The following SIPA1L2 variants were observed in gnomAD, a reference collection of about 807,000 sequenced individuals.
The protein encoded by SIPA1L2 is signal-induced proliferation-associated 1-like protein 2.
In SIPA1L2, 56 loss-of-function variants were observed where a neutral mutation model predicts 163.9. The ratio of observed to expected loss-of-function variants is 0.34; its 90% CI spans 0.28 to 0.43. The LOEUF (loss-of-function observed/expected upper bound fraction) is 0.43, where lower values mean the gene tolerates loss of function less well. Among genes scored for constraint, SIPA1L2 ranks in the 20% least tolerant of loss-of-function variants. The pLI is 1.00. For missense variants in SIPA1L2, 1,974 were observed against 2,193.5 expected (o/e 0.90, Z 2.00); for synonymous variants, 877 against 865.7 (o/e 1.01, Z -0.23).
chr1:232,602,831 G>A (rs1164126714), intron 1 of SIPA1L2, among the ~76,000 whole-genome samples: 2 of 152,198 alleles, frequency 1.3e-5, no homozygotes, highest in Non-Finnish European at 2.9e-5. Flanking sequence ...AGCTACATGG[G>A]GCCGTTGAGC....
chr1:232,411,701 T>C (rs1279245562), intron 19 of SIPA1L2, among the ~76,000 whole-genome samples: 3 of 151,816 alleles, frequency 2.0e-5, no homozygotes, highest in East Asian at 2.0e-4. Context: ...CTTTTTGCCA[T>C]TGAAATAAAT....
In SIPA1L2 at chr1:232,479,617, G is replaced by A. The variant is rs779393146; in HGVS notation, c.2085+10C>T. The stretch of plus-strand genomic sequence containing the variant: ...TCAGCGTAAAAAGCTCCAGGCTGGG[G>A]AGGACATACCTGTTGTCTGTTGTTG... On this transcript the variant is annotated intron_variant, in intron 7 of 22. Coordinates refer to ENST00000674635, the MANE Select transcript of SIPA1L2 (RefSeq NM_020808.5). 27 of 1,609,700 alleles carry A rather than the reference G, an allele frequency of 1.7e-5. No homozygotes were observed. Among genetic ancestry groups the A allele is most frequent in the South Asian group, 1.5e-4 (14 of 90,966 alleles).
In SIPA1L2 at chr1:232,439,257, G is replaced by A. The variant is rs755262566; in HGVS notation, c.3882C>T (p.Ala1294=). ...AGSRSLIHSR[A]EQWADAADVS... is the part of the protein sequence containing the mutation. ...CGTCGGCAGCATCAGCCCACTGCTC[G>A]GCCCGGCTGTGGATCAGGGACCTGC... is the stretch of plus-strand genomic sequence containing the variant. Residue 1294 remains alanine (A), a synonymous_variant, in exon 15 of 23, where the codon GCC becomes GCT. Coordinates refer to ENST00000674635, the MANE Select transcript of SIPA1L2 (RefSeq NM_020808.5). 12 of 1,614,084 alleles carry A rather than the reference G, an allele frequency of 7.4e-6. No homozygotes were observed. Among genetic ancestry groups the A allele is most frequent in the East Asian group, 6.7e-5 (3 of 44,886 alleles).
intron 9 of SIPA1L2, among the ~76,000 whole-genome samples, chr1:232,463,021 G>C (rs142069210): frequency 1.3e-5 from 2 of 152,302 alleles, no homozygotes; most frequent in East Asian, 1.9e-4. Context: ...TCCAAGCCAG[G>C]ACTGGCTATG....
chr1:232,426,134 G>T (rs1232272825), intron 17 of SIPA1L2, among the ~76,000 whole-genome samples: 1 of 152,176 alleles, frequency 6.6e-6, no homozygotes, highest in African/African-American at 2.4e-5. Context: ...AGTTATATAA[G>T]GTTGCCATTT....
At chr1:232,428,350 C>CTTT (rs34949132) in intron 17 of SIPA1L2, 61 bp downstream of exon 17, 278 of 837,792 alleles carry the variant, frequency 3.3e-4, no homozygotes, top group Non-Finnish European at 3.7e-4. Flanking sequence ...TTTCTTTAGA[C>CTTT]TTTTTTTTTT....
At chr1:232,598,233 C>T (rs1043003363) in intron 1 of SIPA1L2, among the ~76,000 whole-genome samples, 4 of 52,438 alleles carry the variant, frequency 7.6e-5, no homozygotes, top group African/African-American at 1.4e-4. Context: ...GAAACCCTGT[C>T]TGTTAAAAAA....
intron 1 of SIPA1L2, among the ~76,000 whole-genome samples, chr1:232,624,148 A>G (rs970367551): frequency 9.9e-5 from 15 of 152,208 alleles, no homozygotes; most frequent in East Asian, 1.9e-4. Context: ...GCATACATAC[A>G]TGAACACTTA....
intron 2 of SIPA1L2, among the ~76,000 whole-genome samples, chr1:232,545,883 CCTTT>C (rs1228906171): frequency 6.6e-6 from 1 of 152,196 alleles, no homozygotes; most frequent in African/African-American, 2.4e-5. Flanking sequence ...GTTATAGCTT[CCTTT>C]AAGAGTTAAA....
chr1:232,428,609 G>T, intron 16 of SIPA1L2, 45 bp from the exon 17 acceptor site: 1 of 1,398,836 alleles, frequency 7.1e-7, no homozygotes, highest in Non-Finnish European at 9.4e-7. Context: ...TTTGTAAAGT[G>T]CCTGTAGTGG....
intron 1 of SIPA1L2, among the ~76,000 whole-genome samples, chr1:232,585,865 C>T (rs1660628973): frequency 6.6e-6 from 1 of 152,112 alleles, no homozygotes; most frequent in Non-Finnish European, 1.5e-5. Flanking sequence ...GCAAACACTC[C>T]AAAAATGCTT....
At chr1:232,443,240 A>G (rs977651502) in intron 12 of SIPA1L2, among the ~76,000 whole-genome samples, 2 of 152,166 alleles carry the variant, frequency 1.3e-5, no homozygotes, top group African/African-American at 4.8e-5. Context: ...ACCTCCCAGT[A>G]CTTCTCAGAC....
At chr1:232,616,168 A>G (rs1266117369) in intron 1 of SIPA1L2, among the ~76,000 whole-genome samples, 1 of 152,212 alleles carries the variant, frequency 6.6e-6, no homozygotes, top group Admixed American at 6.5e-5. Context: ...AGTACAGTAT[A>G]GCAAAAAGAG....
At chr1:232,447,579 T>C (rs927035694) in intron 10 of SIPA1L2, among the ~76,000 whole-genome samples, 1 of 152,258 alleles carries the variant, frequency 6.6e-6, no homozygotes, top group Non-Finnish European at 1.5e-5. Context: ...AAGGCACCTT[T>C]CTGACACAAG....
chr1:232,543,720 T>G (rs550972094), intron 2 of SIPA1L2, among the ~76,000 whole-genome samples: 3 of 152,070 alleles, frequency 2.0e-5, no homozygotes, highest in Non-Finnish European at 4.4e-5. Flanking sequence ...GTTTTAAAAA[T>G]TGGCCAGGAG....
intron 18 of SIPA1L2, among the ~76,000 whole-genome samples, chr1:232,419,859 C>G (rs1409888059): frequency 1.3e-5 from 2 of 152,198 alleles, no homozygotes; most frequent in Non-Finnish European, 2.9e-5. Context: ...ACCCCCATCA[C>G]CCAGATGATG....
intron 1 of SIPA1L2, among the ~76,000 whole-genome samples, chr1:232,597,520 T>C (rs997638077): frequency 8.6e-6 from 1 of 116,730 alleles, no homozygotes; most frequent in Non-Finnish European, 1.8e-5. Context: ...TACTAAAAAA[T>C]ACCAAAAAAA....
chr1:232,483,733 T>C (rs981128778), intron 6 of SIPA1L2, 59 bp downstream of exon 6: 17 of 1,591,758 alleles, frequency 1.1e-5, no homozygotes, highest in Non-Finnish European at 1.4e-5. Context: ...CTTGGATTTA[T>C]GAAGCATGCC....
chr1:232,403,645 C>T lies in SIPA1L2; in HGVS notation c.4817-74G>A, dbSNP rs16856990. 2,441 of 1,506,586 alleles carry T rather than the reference C, an allele frequency of 1.6e-3. 40 individuals are homozygous for T. The African/African-American group carries it at 0.03, about 19-fold the overall frequency. 93.3% of individuals were successfully genotyped at this position (1,506,586 alleles called of 1,614,324 possible). ...AAGGCAATGTTTCTTTGTGGAAATG[C>T]AATAGCTAAATAAAATCTTTTCCCC... is the stretch of plus-strand genomic sequence containing the variant. On this transcript the variant is annotated intron_variant, in intron 20 of 22. Transcript: ENST00000674635.
Sources: allele counts gnomAD v4.1 joint callset (sites outside exome capture counted in the v4.1 genomes callset), GRCh38; gene constraint gnomAD v4.1.1; transcripts MANE v1.5; gene names NCBI Gene and HGNC (gene_info 2026-07-23, HGNC 2026-07-21).